KCNJ10: variants seen among roughly 807,000 people sequenced by gnomAD.
The protein encoded by KCNJ10 is potassium inwardly rectifying channel subfamily J member 10.
Under a neutral mutation model 22.2 loss-of-function variants are expected in KCNJ10, and 9 were observed. The observed-to-expected ratio is 0.40, with a 90% CI of 0.24 to 0.71. The LOEUF is 0.71. Ranked by LOEUF, KCNJ10 falls within the 30% of genes least tolerant of loss-of-function variation. The probability of loss-of-function intolerance (pLI) is 0.35; values close to 1 mark genes in which losing one functional copy is unlikely to be tolerated. For missense variants in KCNJ10, 337 were observed against 482.7 expected, an observed-to-expected ratio of 0.70 and a Z score of 2.83; for synonymous variants, 184 against 187.3, an observed-to-expected ratio of 0.98 and a Z score of 0.15.
At chr1:160,045,327 G>T (rs1245742050) in intron 1 of KCNJ10, among the ~76,000 whole-genome samples, 1 of 152,094 alleles carries the variant, frequency 6.6e-6, no homozygotes, top group Admixed American at 6.5e-5. Context: ...GAATGCTATG[G>T]CCATCAATTG....
At position 160,041,961 on chromosome 1, in the gene KCNJ10, T is replaced by A; in HGVS notation, c.572A>T (p.Asn191Ile). 1 of 1,606,426 alleles carries A rather than the reference T, an allele frequency of 6.2e-7. No individual in the cohort carries two copies. Among genetic ancestry groups the A allele is most frequent in the Non-Finnish European group, 8.5e-7 (1 of 1,175,118 alleles). Residue 191 changes from asparagine to isoleucine, a missense_variant, in exon 2 of 2, where the codon AAT (asparagine) becomes ATT (isoleucine). Transcript: ENST00000644903. This position sits in a 1 kb window ranked among gnomAD's most constrained non-coding sequence, Gnocchi z 4.4. Reference sequence around the variant, plus strand: ...TCGGATCATGAGGCAGGGCTTGCCATTGTGGGAGGCCACAACTGCATGCTG... The same window carrying A: ...TCGGATCATGAGGCAGGGCTTGCCAATGTGGGAGGCCACAACTGCATGCTG... ...FSQHAVVASH[N>I]GKPCLMIRVA...
In KCNJ10 at chr1:160,049,720, T is replaced by TATATAA. The variant is rs1201390198; in HGVS notation, c.1-7189_1-7188insTTATAT. ...ATATATATATATATATATATATATATGTTATCCTAAAGATTAGCACAATGT... is the reference window on the plus strand; with the variant it reads ...ATATATATATATATATATATATATATATATAAGTTATCCTAAAGATTAGCACAATGT... On this transcript the variant is annotated intron_variant, in intron 1 of 1. Transcript: ENST00000644903. 1.1e-3 allele frequency among the ~76,000 whole-genome samples: 133 copies of TATATAA among 122,782 alleles called. 1 individual carries two copies. Among genetic ancestry groups the TATATAA allele is most frequent in the African/African-American group, 4.1e-3 (126 of 31,046 alleles). The allele number at this position is 122,782 out of a possible 152,430, so 80.5% of individuals were successfully genotyped here.
intron 1 of KCNJ10, among the ~76,000 whole-genome samples, chr1:160,063,250 G>T (rs1466842687): frequency 6.6e-6 from 1 of 152,224 alleles, no homozygotes; most frequent in Non-Finnish European, 1.5e-5. Flanking sequence ...ACAAAGGGCA[G>T]GGCCAGAAGG....
At chr1:160,056,840 A>G (rs1330708036) in intron 1 of KCNJ10, among the ~76,000 whole-genome samples, 1 of 152,232 alleles carries the variant, frequency 6.6e-6, no homozygotes, top group Non-Finnish European at 1.5e-5. Context: ...CCCTTAGCAG[A>G]TAACACTAAT....
At chr1:160,053,538 C>T (rs1254483999) in intron 1 of KCNJ10, among the ~76,000 whole-genome samples, 1 of 152,022 alleles carries the variant, frequency 6.6e-6, no homozygotes, top group Non-Finnish European at 1.5e-5. Flanking sequence ...CCTGTCTTGC[C>T]CCAAGGAAAA....
chr1:160,067,764 C>T (rs1165303024), intron 1 of KCNJ10: 1 of 152,222 alleles, frequency 6.6e-6, no homozygotes, highest in Non-Finnish European at 1.5e-5. Flanking sequence ...ATCTTTCCAT[C>T]TTGTGTGCAG....
chr1:160,068,704 T>G (rs80282959), intron 1 of KCNJ10, among the ~76,000 whole-genome samples: 1 of 152,128 alleles, frequency 6.6e-6, no homozygotes, highest in South Asian at 2.1e-4. Context: ...CCAGAGAAAT[T>G]TACAAGCCCT....
At position 160,038,078 on chromosome 1, in the gene KCNJ10, G is replaced by A. The variant is rs992811200; in HGVS notation, c.*3315C>T. Reference sequence around the variant, plus strand: ...AAAAGGCTGGGCCTTGACCTTGGGAGATCTTCAGCCTAACAGCTATTAGTC... The same window carrying A: ...AAAAGGCTGGGCCTTGACCTTGGGAAATCTTCAGCCTAACAGCTATTAGTC... On this transcript the variant is annotated 3_prime_UTR_variant, in exon 2 of 2. Coordinates refer to ENST00000644903, the MANE Select transcript of KCNJ10 (RefSeq NM_002241.5). The A allele has an allele frequency of 2.0e-5, 3 of 152,248 alleles. No individual in the cohort carries two copies. Among genetic ancestry groups the A allele is most frequent in the Admixed American group, 1.3e-4 (2 of 15,288 alleles). The allele number at this position is 152,248 out of a possible 1,614,324, so 9.4% of individuals were successfully genotyped here.
chr1:160,042,936 CA>C (rs57965630), intron 1 of KCNJ10, among the ~76,000 whole-genome samples: 1,914 of 136,444 alleles, frequency 0.014, 21 homozygotes, highest in South Asian at 0.069. Context: ...GACTCCGTCT[CA>C]AAAAAAAAAA....
In KCNJ10 at chr1:160,041,421, G is replaced by A; in HGVS notation, c.1112C>T (p.Ala371Val). The change falls in exon 2 of 2, where the codon GCC (alanine) becomes GTC (valine). Residue 371 changes from alanine to valine, a missense_variant. Transcript: ENST00000644903. The surrounding 1 kb of genome is among the most constrained non-coding windows in gnomAD (Gnocchi z 4.4). ...GACATTGCTGATGCGCACACTAAGG[G>A]CACTGCCCTCCTTCTCAGCTTGCTC... is the stretch of plus-strand genomic sequence containing the variant. ...LREQAEKEGS[A>V]LSVRISNV 8.1e-6 allele frequency: 13 copies of A among 1,613,502 alleles called. No homozygotes were observed. Among genetic ancestry groups the A allele is most frequent in the Non-Finnish European group, 1.0e-5 (12 of 1,179,940 alleles).
At chr1:160,068,504 G>A (rs111385604) in intron 1 of KCNJ10, among the ~76,000 whole-genome samples, 1,727 of 152,212 alleles carry the variant, frequency 0.011, 26 homozygotes, top group Middle Eastern at 0.027. Context: ...AGGACTGGGG[G>A]AAGGCAGCGG....
intron 1 of KCNJ10, among the ~76,000 whole-genome samples, chr1:160,057,886 G>A (rs1403379072): frequency 6.6e-6 from 1 of 152,074 alleles, no homozygotes; most frequent in East Asian, 1.9e-4. Context: ...TGGAAATGAG[G>A]GGAGGCTTGG....
At chr1:160,052,943 C>A (rs1308890843) in intron 1 of KCNJ10, among the ~76,000 whole-genome samples, 1 of 152,128 alleles carries the variant, frequency 6.6e-6, no homozygotes, top group Non-Finnish European at 1.5e-5. Context: ...TAATATTATG[C>A]CAACAATGTA....
chr1:160,046,214 C>T (rs1648738371), intron 1 of KCNJ10, among the ~76,000 whole-genome samples: 1 of 152,164 alleles, frequency 6.6e-6, no homozygotes, highest in South Asian at 2.1e-4. Context: ...AAAAGCCTTG[C>T]TTATCATTCC....
At chr1:160,049,611 G>A (rs540691122) in intron 1 of KCNJ10, among the ~76,000 whole-genome samples, 1 of 139,586 alleles carries the variant, frequency 7.2e-6, no homozygotes, top group South Asian at 2.3e-4. Flanking sequence ...CTTAGTACAT[G>A]GTGTATCATT....
At chr1:160,062,466 T>C (rs973500337) in intron 1 of KCNJ10, 1 of 152,308 alleles carries the variant, frequency 6.6e-6, no homozygotes, top group Non-Finnish European at 1.5e-5. Context: ...GGGGGACTGC[T>C]GGTAGAGGGT....
At chr1:160,045,131 T>G (rs545790282) in intron 1 of KCNJ10, among the ~76,000 whole-genome samples, 8 of 152,354 alleles carry the variant, frequency 5.3e-5, no homozygotes, top group Middle Eastern at 3.4e-3. Flanking sequence ...TCTCTCATTA[T>G]GACCTGGGGA....
Position 160,042,149 on chromosome 1 carries a change from G to T in KCNJ10, c.384C>A (p.Thr128=), listed in dbSNP as rs1648623243. The change falls in exon 2 of 2, where the codon ACC becomes ACA. Residue 128 remains threonine (T), a synonymous_variant. Coordinates refer to ENST00000644903, the MANE Select transcript of KCNJ10 (RefSeq NM_002241.5). ...AFLFSLESQT[T]IGYGFRYISE... ...TGATGTAGCGGAAGCCATAGCCAAT[G>T]GTGGTTTGGGATTCAAGGGAGAAGA... is the stretch of plus-strand genomic sequence containing the variant. 4 of 1,585,292 alleles carry T rather than the reference G, an allele frequency of 2.5e-6. No individual in the cohort carries two copies. In the African/African-American group the frequency reaches 5.4e-5, roughly 21 times the overall value.
intron 1 of KCNJ10, among the ~76,000 whole-genome samples, chr1:160,053,200 C>T (rs1157006416): frequency 1.3e-5 from 2 of 152,104 alleles, no homozygotes; most frequent in Admixed American, 6.5e-5. Context: ...TCCCACTCCT[C>T]CCCCCGGCCT....
Sources: allele counts gnomAD v4.1 joint callset (sites outside exome capture counted in the v4.1 genomes callset), GRCh38; gene constraint gnomAD v4.1.1; non-coding constraint Gnocchi (gnomAD v3.1); transcripts MANE v1.5; gene names NCBI Gene and HGNC (gene_info 2026-07-23, HGNC 2026-07-21).